ITPR2: variants seen among roughly 807,000 people sequenced by gnomAD.
ITPR2 encodes inositol 1,4,5-trisphosphate-gated calcium channel ITPR2.
ITPR2 carries 207 observed loss-of-function variants against 317.1 expected under a neutral mutation model. The ratio of observed to expected loss-of-function variants is 0.65; its 90% CI spans 0.58 to 0.73. The LOEUF is 0.73. ITPR2 is among the 30% of genes least tolerant of loss of function. The probability of loss-of-function intolerance (pLI) is 0.00; values close to 1 mark genes in which losing one functional copy is unlikely to be tolerated. For missense variants in ITPR2, 2,613 were observed against 3,284.0 expected (o/e 0.80, Z 4.99); for synonymous variants, 1,156 against 1,149.1 (o/e 1.01, Z -0.12).
chr12:26,804,891 C>G (rs147987758), intron 1 of ITPR2, among the ~76,000 whole-genome samples: 1 of 152,086 alleles, frequency 6.6e-6, no homozygotes, highest in East Asian at 1.9e-4. Flanking sequence ...TGCACCACCA[C>G]ACCTGGCTAA....
intron 2 of ITPR2, among the ~76,000 whole-genome samples, chr12:26,783,675 C>CA (rs1292251682): frequency 2.6e-5 from 4 of 151,908 alleles, no homozygotes; most frequent in East Asian, 1.9e-4. Flanking sequence ...AAATTGTACA[C>CA]AAAAAAATAA....
In ITPR2 at chr12:26,619,915, A is replaced by G. The variant is rs536191009; in HGVS notation, c.3462+1208T>C. ...GATGTCCATTTGATAGTCAATAAAA[A>G]TAAAACTTAGAGAATGAAAATAAGT... is the stretch of plus-strand genomic sequence containing the variant. On this transcript the variant is annotated intron_variant, in intron 26 of 56. Transcript: ENST00000381340. Among the ~76,000 whole-genome samples, 88 of 152,360 alleles carry G rather than the reference A, an allele frequency of 5.8e-4. 1 individual carries two copies. In the South Asian group the frequency reaches 0.018, roughly 31 times the overall value.
In ITPR2 at chr12:26,715,341, T is replaced by C. The variant is rs371792218; in HGVS notation, c.813A>G (p.Ser271=). The C allele has an allele frequency of 5.0e-6, 8 of 1,613,788 alleles. No homozygotes were observed. The highest frequency in any genetic ancestry group is 6.8e-6 in the Non-Finnish European group (8 of 1,179,752). ...HIFLRTTLRQ[S]ATSATSSKAL... is the part of the protein sequence containing the mutation. ...CTTTAGAACTAGTAGCAGAAGTAGC[T>C]GATTGGCGCAAGGTCGTACGAAGGA... The change falls in exon 8 of 57, where the codon TCA becomes TCG. Residue 271 remains serine (S), a synonymous_variant. Coordinates refer to ENST00000381340, the MANE Select transcript of ITPR2 (RefSeq NM_002223.4).
intron 55 of ITPR2, among the ~76,000 whole-genome samples, chr12:26,379,085 C>T (rs1009646723): frequency 1.3e-5 from 2 of 152,184 alleles, no homozygotes; most frequent in Non-Finnish European, 2.9e-5. Context: ...TACTAATAGA[C>T]ATTTATTGAC....
chr12:26,416,644 T>C (rs1405979407), intron 50 of ITPR2, among the ~76,000 whole-genome samples: 1 of 152,198 alleles, frequency 6.6e-6, no homozygotes, highest in Non-Finnish European at 1.5e-5. Flanking sequence ...TATTTTACGA[T>C]GGTTAAATTT....
chr12:26,549,319 T>A (rs1309986664), intron 37 of ITPR2, among the ~76,000 whole-genome samples: 1 of 152,184 alleles, frequency 6.6e-6, no homozygotes, highest in African/African-American at 2.4e-5. Context: ...AAACATTGAT[T>A]CACATGGAAT....
chr12:26,624,398 A>T (rs1946571672), intron 23 of ITPR2, 42 bp from the exon 24 acceptor site: 2 of 1,372,946 alleles, frequency 1.5e-6, no homozygotes, highest in East Asian at 4.6e-5. Context: ...ATCCTATTTT[A>T]ATTAGGAGCC....
chr12:26,654,155 G>T, intron 20 of ITPR2, 29 bp from the exon 21 acceptor site: 4 of 1,520,796 alleles, frequency 2.6e-6, no homozygotes, highest in Non-Finnish European at 3.5e-6. Context: ...GCGGGGAGGG[G>T]GAGGGTGAAA....
intron 21 of ITPR2, among the ~76,000 whole-genome samples, chr12:26,634,273 C>T (rs75852863): frequency 5.8e-4 from 89 of 152,310 alleles, no homozygotes; most frequent in African/African-American, 2.0e-3. Flanking sequence ...AAATCACAGC[C>T]ATGCAAAGCT....
chr12:26,552,390 T>C (rs947488114), intron 36 of ITPR2, among the ~76,000 whole-genome samples: 19 of 152,048 alleles, frequency 1.2e-4, no homozygotes, highest in Admixed American at 9.8e-4. Context: ...GGGTCTTGCT[T>C]TGTGGCCCAG....
rs765849512 is a variant in ITPR2, at chr12:26,556,299, T to C, written c.4898A>G (p.Tyr1633Cys). 2 of 1,614,090 alleles carry C rather than the reference T, an allele frequency of 1.2e-6. No individual in the cohort carries two copies. Among genetic ancestry groups the C allele is most frequent in the Middle Eastern group, 1.7e-4 (1 of 6,060 alleles). Residue 1633 changes from tyrosine (Y) to cysteine (C), a missense_variant, in exon 36 of 57, where the codon TAC becomes TGC. Around this residue, in one of 9 missense-constraint regions of ITPR2, gnomAD observed 926 missense variants for 1,072.8 expected, o/e 0.86. Transcript: ENST00000381340. ...AEFSVLVDVLYSPELLFPEGS... is the reference protein window; with the variant it reads ...AEFSVLVDVLCSPELLFPEGS... ...CTCAGGGAACAGCAGTTCTGGACTGTACAATACATCAACCAACACTGAGAA... is the reference window on the plus strand; with the variant it reads ...CTCAGGGAACAGCAGTTCTGGACTGCACAATACATCAACCAACACTGAGAA...
chr12:26,672,121 G>T lies in ITPR2; in HGVS notation c.1410-6070C>A, dbSNP rs549356667. Among the ~76,000 whole-genome samples, 101 of 152,270 alleles carry T rather than the reference G, an allele frequency of 6.6e-4. 1 individual carries two copies. Among genetic ancestry groups the T allele is most frequent in the African/African-American group, 2.4e-3 (98 of 41,538 alleles). On this transcript the variant is annotated intron_variant, in intron 13 of 56. Transcript: ENST00000381340. Reference sequence around the variant, plus strand: ...TAATGGGAGATGTTAACACCCCACTGTCAACATTAGACAGATCAATGACAC... The same window carrying T: ...TAATGGGAGATGTTAACACCCCACTTTCAACATTAGACAGATCAATGACAC...
At chr12:26,410,277 G>C (rs1016821863) in intron 52 of ITPR2, among the ~76,000 whole-genome samples, 7 of 152,202 alleles carry the variant, frequency 4.6e-5, no homozygotes, top group African/African-American at 1.7e-4. Flanking sequence ...GGCGGCAGGG[G>C]AGAGAAGTGC....
At chr12:26,674,296 T>C (rs1947857691) in intron 13 of ITPR2, among the ~76,000 whole-genome samples, 1 of 151,988 alleles carries the variant, frequency 6.6e-6, no homozygotes, top group Non-Finnish European at 1.5e-5. Flanking sequence ...CTTCAAACTA[T>C]ACTACAAGGC....
At chr12:26,433,306 C>A (rs1454056769) in intron 48 of ITPR2, among the ~76,000 whole-genome samples, 1 of 152,132 alleles carries the variant, frequency 6.6e-6, no homozygotes, top group Non-Finnish European at 1.5e-5. Context: ...CTATCCAGTC[C>A]TTTCCCAGAA....
chr12:26,341,385 G>C (rs1394780196), intron 55 of ITPR2, among the ~76,000 whole-genome samples: 1 of 152,124 alleles, frequency 6.6e-6, no homozygotes, highest in Non-Finnish European at 1.5e-5. Flanking sequence ...AACAACCTCT[G>C]CCTGTGGGAT....
In ITPR2 at chr12:26,809,820, G is replaced by A. The variant is rs538882647; in HGVS notation, c.93-19593C>T. ...GTTGGGCATGCTATAAATAACGAGC[G>A]TAGATTTAATAATAGACTCCCTCTT... is the stretch of plus-strand genomic sequence containing the variant. On this transcript the variant is annotated intron_variant, in intron 1 of 56. Coordinates refer to ENST00000381340, the MANE Select transcript of ITPR2 (RefSeq NM_002223.4). Among the ~76,000 whole-genome samples the A allele has an allele frequency of 4.6e-5, 7 of 152,062 alleles. No individual in the cohort carries two copies. The South Asian group carries it at 6.2e-4, about 14-fold the overall frequency.
At chr12:26,735,615 A>C (rs955993235) in intron 2 of ITPR2, among the ~76,000 whole-genome samples, 3 of 152,262 alleles carry the variant, frequency 2.0e-5, no homozygotes, top group Non-Finnish European at 4.4e-5. Flanking sequence ...ACACATATGC[A>C]CATGTGGGAT....
chr12:26,826,766 A>T (rs1435879335), intron 1 of ITPR2, among the ~76,000 whole-genome samples: 2 of 152,138 alleles, frequency 1.3e-5, no homozygotes, highest in South Asian at 2.1e-4. Context: ...ACACACACAC[A>T]TATACACACT....
Sources: gnomAD v4.1 joint callset for allele counts (sites outside exome capture counted in the v4.1 genomes callset) on GRCh38, gnomAD v4.1.1 for gene constraint, gnomAD v4.1.1 regional missense constraint, MANE v1.5 for transcripts, NCBI Gene and HGNC (gene_info 2026-07-23, HGNC 2026-07-21) for gene names.